Variants in SLC35A1 observed in about 807,000 individuals in gnomAD.
SLC35A1 encodes CMP-sialic acid transporter.
Under a neutral mutation model 40.3 loss-of-function variants are expected in SLC35A1, and 21 were observed. The observed-to-expected ratio is 0.52, with a 90% confidence interval of 0.37 to 0.75. The LOEUF (loss-of-function observed/expected upper bound fraction) is 0.75. Ranked by LOEUF, SLC35A1 falls within the 30% of genes least tolerant of loss-of-function variation. The probability of loss-of-function intolerance (pLI) is 0.00; values close to 1 mark genes in which losing one functional copy is unlikely to be tolerated. For missense variants in SLC35A1, 297 were observed against 382.1 expected (o/e 0.78, Z 1.86); for synonymous variants, 146 against 147.3 (o/e 0.99, Z 0.06).
chr6:87,511,812 T>TAAA lies in SLC35A1; in HGVS notation c.*292_*294dup. 2.5e-6 allele frequency: 1 copy of TAAA among 398,394 alleles called. No homozygotes were observed. The highest frequency in any genetic ancestry group is 3.6e-5 in the Admixed American group (1 of 27,466). 24.7% of individuals were successfully genotyped at this position (398,394 alleles called of 1,614,324 possible). On this transcript the variant is annotated 3_prime_UTR_variant, in exon 8 of 8. Coordinates refer to ENST00000369552, the MANE Select transcript of SLC35A1 (RefSeq NM_006416.5). ...AAAAAGTATGGAGATGATACGGTGT[T>TAAA]AAAAAAAATCATGGTAAGGCTACAA...
chr6:87,492,896 A>G (rs936814429), intron 2 of SLC35A1, among the ~76,000 whole-genome samples: 1 of 152,142 alleles, frequency 6.6e-6, no homozygotes, highest in African/African-American at 2.4e-5. Flanking sequence ...GTTTCTCCAC[A>G]TAAAGTTACC....
intron 4 of SLC35A1, among the ~76,000 whole-genome samples, chr6:87,505,679 G>A (rs145543652): frequency 6.6e-6 from 1 of 152,286 alleles, no homozygotes; most frequent in East Asian, 1.9e-4. Context: ...GATCCCATGT[G>A]ACAGAGGGAA....
At chr6:87,490,737 T>C (rs1214185910) in intron 2 of SLC35A1, among the ~76,000 whole-genome samples, 1 of 152,248 alleles carries the variant, frequency 6.6e-6, no homozygotes, top group East Asian at 1.9e-4. Flanking sequence ...GTATTATTGC[T>C]ATAAATTTAA....
At chr6:87,485,986 G>T (rs549670428) in intron 2 of SLC35A1, among the ~76,000 whole-genome samples, 9 of 152,122 alleles carry the variant, frequency 5.9e-5, no homozygotes, top group South Asian at 2.1e-4. Flanking sequence ...TGAAGTAAAA[G>T]CTTCTTCCTT....
At position 87,501,260 on chromosome 6, in the gene SLC35A1, G is replaced by T. The variant is rs997980775; in HGVS notation, c.457G>T (p.Ala153Ser). The change falls in exon 4 of 8, where the codon GCT (alanine) becomes TCT (serine). Residue 153 changes from alanine to serine, a missense_variant. Physicochemically the swap from Ala to Ser is moderately conservative, Grantham distance 99. Transcript: ENST00000369552. ...GTGGGTTTCAGTTTTTATGCTGTGT[G>T]CTGGAGTTACGCTTGTACAGTGGAA... ...LQWVSVFMLCAGVTLVQWKPA... is the reference protein window; with the variant it reads ...LQWVSVFMLCSGVTLVQWKPA... The T allele has an allele frequency of 1.9e-6, 3 of 1,614,078 alleles. No individual in the cohort carries two copies. The highest frequency in any genetic ancestry group is 2.5e-6 in the Non-Finnish European group (3 of 1,180,016).
In SLC35A1 at chr6:87,508,582, T is replaced by C; in HGVS notation, c.737T>C (p.Val246Ala). ...TTTTTCTATGGTTACACATATTATGTCTGGTTTGTCATCTGTAAGTATCCA... is the reference window on the plus strand; with the variant it reads ...TTTTTCTATGGTTACACATATTATGCCTGGTTTGTCATCTGTAAGTATCCA... ...KGFFYGYTYY[V>A]WFVIFLASVG... The change falls in exon 6 of 8, where the codon GTC (valine) becomes GCC (alanine). Residue 246 changes from valine to alanine, a missense_variant. By Grantham distance (64) the Val-to-Ala change is moderately conservative. Transcript: ENST00000369552. 2 of 1,612,484 alleles carry C rather than the reference T, an allele frequency of 1.2e-6. No individual in the cohort carries two copies. Among genetic ancestry groups the C allele is most frequent in the Non-Finnish European group, 1.7e-6 (2 of 1,179,382 alleles).
intron 1 of SLC35A1, among the ~76,000 whole-genome samples, chr6:87,473,789 GACTGTGGTGCATTA>G (rs1768988695): frequency 6.6e-6 from 1 of 152,228 alleles, no homozygotes; most frequent in African/African-American, 2.4e-5. Context: ...TGGATTCTTT[GACTGTGGTGCATTA>G]ACCAGGAGAA....
intron 2 of SLC35A1, chr6:87,488,690 A>G (rs141677483): frequency 6.6e-6 from 1 of 152,192 alleles, no homozygotes; most frequent in African/African-American, 2.4e-5. Context: ...AGCAGAGGCA[A>G]TTGTAGCTCC....
chr6:87,478,253 T>G (rs1318227132), intron 2 of SLC35A1, among the ~76,000 whole-genome samples: 1 of 152,248 alleles, frequency 6.6e-6, no homozygotes, highest in Non-Finnish European at 1.5e-5. Context: ...TTGGAGGAGA[T>G]AGACCTAATT....
chr6:87,476,251 T>G (rs1051983376), intron 1 of SLC35A1, among the ~76,000 whole-genome samples: 1 of 152,260 alleles, frequency 6.6e-6, no homozygotes, highest in Non-Finnish European at 1.5e-5. Flanking sequence ...ATTATTGTTT[T>G]GTATAATGCA....
intron 4 of SLC35A1, 42 bp downstream of exon 4, chr6:87,501,352 A>G (rs1320145411): frequency 7.6e-6 from 12 of 1,583,052 alleles, no homozygotes; most frequent in Non-Finnish European, 1.0e-5. Context: ...ATAAATAGAA[A>G]ACTTCCTTAA....
chr6:87,475,724 A>G (rs1433761658), intron 1 of SLC35A1, among the ~76,000 whole-genome samples: 3 of 152,196 alleles, frequency 2.0e-5, no homozygotes, highest in African/African-American at 4.8e-5. Flanking sequence ...TTATTTCCCT[A>G]TGAAAACTAT....
intron 4 of SLC35A1, among the ~76,000 whole-genome samples, chr6:87,503,898 CTCTAAATCTGT>C (rs1769997364): frequency 6.6e-6 from 1 of 152,116 alleles, no homozygotes; most frequent in South Asian, 2.1e-4. Flanking sequence ...TACAAGTCAT[CTCTAAATCTGT>C]TCTAACATTT....
chr6:87,491,904 C>T (rs949223388), intron 2 of SLC35A1, among the ~76,000 whole-genome samples: 1 of 152,182 alleles, frequency 6.6e-6, no homozygotes, highest in African/African-American at 2.4e-5. Context: ...TCTCCAAATA[C>T]TAATCACATT....
At chr6:87,510,886 T>C (rs1420028762) in intron 7 of SLC35A1, among the ~76,000 whole-genome samples, 3 of 150,034 alleles carry the variant, frequency 2.0e-5, no homozygotes, top group Non-Finnish European at 4.4e-5. Context: ...AAAAAAAAGA[T>C]GAAAAAAGGG....
intron 7 of SLC35A1, among the ~76,000 whole-genome samples, chr6:87,509,772 A>G (rs968768012): frequency 2.6e-5 from 4 of 152,172 alleles, no homozygotes; most frequent in African/African-American, 9.7e-5. Flanking sequence ...TGTTAGTCCT[A>G]ATATAATTTT....
chr6:87,505,214 C>G (rs568985727), intron 4 of SLC35A1, among the ~76,000 whole-genome samples: 6 of 152,160 alleles, frequency 3.9e-5, no homozygotes, highest in Non-Finnish European at 7.4e-5. Flanking sequence ...TGGCACTTTT[C>G]TTATATCAGG....
At chr6:87,497,820 C>T (rs1464967943) in intron 2 of SLC35A1, among the ~76,000 whole-genome samples, 2 of 151,948 alleles carry the variant, frequency 1.3e-5, no homozygotes, top group Non-Finnish European at 2.9e-5. Context: ...CTTCAAACTC[C>T]TGGGCTCAAG....
chr6:87,492,545 A>ATTTTTTTTTTTTTTTTTTTTTTTTTT (rs59459204), intron 2 of SLC35A1, among the ~76,000 whole-genome samples: 1 of 115,044 alleles, frequency 8.7e-6, no homozygotes, highest in Non-Finnish European at 1.7e-5. Context: ...ATTTATCTTG[A>ATTTTTTTTTTTTTTTTTTTTTTTTTT]TTTTTTTTTT....
Sources: gnomAD v4.1 joint callset for allele counts (sites outside exome capture counted in the v4.1 genomes callset) on GRCh38, gnomAD v4.1.1 for gene constraint, MANE v1.5 for transcripts, NCBI Gene and HGNC (gene_info 2026-07-23, HGNC 2026-07-21) for gene names.